LRP1B: variants seen among roughly 807,000 people sequenced by gnomAD.
The protein encoded by LRP1B is low-density lipoprotein receptor-related protein 1B.
Under a neutral mutation model 556.6 loss-of-function variants are expected in LRP1B, and 217 were observed. The observed-to-expected ratio is 0.39, with a 90% CI of 0.35 to 0.44. The LOEUF (loss-of-function observed/expected upper bound fraction) is 0.44. Among genes scored for constraint, LRP1B ranks in the 20% least tolerant of loss-of-function variants. The pLI is 1.00. For synonymous variants in LRP1B, 2,047 were observed against 1,865.8 expected (o/e 1.10, Z -2.50); for missense variants, 5,053 against 5,620.8 (o/e 0.90, Z 3.23).
At chr2:140,556,866 C>T (rs1293045177) in intron 43 of LRP1B, among the ~76,000 whole-genome samples, 1 of 151,852 alleles carries the variant, frequency 6.6e-6, no homozygotes, top group Non-Finnish European at 1.5e-5. Context: ...ACCTCAGAGT[C>T]ACTTTGATAA....
rs774525807 is a variant in LRP1B at position 140,475,123 on chromosome 2, T to C, written c.9625+15A>G. 2.2e-6 allele frequency: 3 copies of C among 1,390,714 alleles called. No homozygotes were observed. The highest frequency in any genetic ancestry group is 2.3e-5 in the Admixed American group (1 of 44,166). 86.1% of individuals were successfully genotyped at this position (1,390,714 alleles called of 1,614,324 possible). ...ACCTGGTAAAATACTAGAATATTTA[T>C]GTTACTGGACCAACCTTTGTGTCTA... is the stretch of plus-strand genomic sequence containing the variant. On this transcript the variant is annotated intron_variant, in intron 60 of 90. Transcript: ENST00000389484.
chr2:141,587,225 C>G (rs1254355047), intron 2 of LRP1B, among the ~76,000 whole-genome samples: 1 of 152,128 alleles, frequency 6.6e-6, no homozygotes, highest in East Asian at 1.9e-4. Flanking sequence ...ACCCCTTTCT[C>G]TATATCTACC....
intron 44 of LRP1B, 130 bp downstream of exon 44, chr2:140,541,649 T>C (rs1558955195): frequency 1.4e-6 from 1 of 730,578 alleles, no homozygotes; most frequent in Non-Finnish European, 2.1e-6. Flanking sequence ...AAATCCACAG[T>C]CATAGTAACA....
At chr2:141,186,841 A>T (rs1320738441) in intron 7 of LRP1B, among the ~76,000 whole-genome samples, 1 of 152,046 alleles carries the variant, frequency 6.6e-6, no homozygotes, top group East Asian at 1.9e-4. Context: ...GTTCCCATAT[A>T]TTTCAGATTG....
intron 3 of LRP1B, among the ~76,000 whole-genome samples, chr2:141,386,752 G>T (rs1689847181): frequency 6.6e-6 from 1 of 151,966 alleles, no homozygotes; most frequent in Non-Finnish European, 1.5e-5. Context: ...TTGAGAAAAA[G>T]ATAGTTCTAC....
At chr2:142,093,413 T>C (rs1706245197) in intron 1 of LRP1B, among the ~76,000 whole-genome samples, 1 of 152,040 alleles carries the variant, frequency 6.6e-6, no homozygotes, top group African/African-American at 2.4e-5. Flanking sequence ...ACACTTGGGG[T>C]GCAAGGAATG....
intron 3 of LRP1B, among the ~76,000 whole-genome samples, chr2:141,439,859 AC>A: frequency 6.6e-6 from 1 of 152,306 alleles, no homozygotes; most frequent in East Asian, 1.9e-4. Flanking sequence ...TTAATAACAA[AC>A]CTTAATTTCT....
At chr2:141,553,722 A>ATAATATATAT (rs1345210657) in intron 2 of LRP1B, among the ~76,000 whole-genome samples, 8 of 19,418 alleles carry the variant, frequency 4.1e-4, no homozygotes, top group African/African-American at 4.4e-4. Flanking sequence ...ATTTTTATAT[A>ATAATATATAT]TCTATATAAT....
At chr2:141,697,476 C>T (rs186910815) in intron 2 of LRP1B, among the ~76,000 whole-genome samples, 2 of 151,920 alleles carry the variant, frequency 1.3e-5, no homozygotes, top group Admixed American at 6.6e-5. Flanking sequence ...AAACGTGCAT[C>T]GGGAATACAA....
intron 11 of LRP1B, among the ~76,000 whole-genome samples, chr2:141,045,605 T>G (rs1194866518): frequency 6.6e-6 from 1 of 152,060 alleles, no homozygotes; most frequent in Non-Finnish European, 1.5e-5. Context: ...TACTTTAGTT[T>G]CTTTATAGCA....
intron 3 of LRP1B, among the ~76,000 whole-genome samples, chr2:141,396,175 A>G (rs762715856): frequency 5.8e-4 from 88 of 152,226 alleles, no homozygotes; most frequent in Non-Finnish European, 1.2e-3. Context: ...ATGAAATCAG[A>G]ATAAAATGTA....
chr2:140,307,725 TAGTC>T (rs1191162151), intron 83 of LRP1B, among the ~76,000 whole-genome samples: 1 of 151,804 alleles, frequency 6.6e-6, no homozygotes, highest in Admixed American at 6.6e-5. Context: ...AATATAGTCA[TAGTC>T]AGCTATTTCT....
chr2:141,019,858 T>C, intron 12 of LRP1B, 64 bp downstream of exon 12: 1 of 1,203,756 alleles, frequency 8.3e-7, no homozygotes. Context: ...TATTATTAAC[T>C]ATGTAAGAAA....
At chr2:141,683,887 T>A (rs1430458204) in intron 2 of LRP1B, among the ~76,000 whole-genome samples, 1 of 152,030 alleles carries the variant, frequency 6.6e-6, no homozygotes. Flanking sequence ...AAAGCCACAA[T>A]GACATACCAT....
At chr2:141,440,369 C>A (rs1442600009) in intron 3 of LRP1B, among the ~76,000 whole-genome samples, 1 of 152,264 alleles carries the variant, frequency 6.6e-6, no homozygotes, top group Non-Finnish European at 1.5e-5. Flanking sequence ...TTCCTCCACA[C>A]TGAACTCCTA....
Position 141,430,268 on chromosome 2 carries a change from T to G in LRP1B, c.343+50128A>C, listed in dbSNP as rs28639696. On this transcript the variant is annotated intron_variant, in intron 3 of 90. Transcript: ENST00000389484. ...AAGCAAAGCATCTTAATGAATAACC[T>G]CACTCTTACGTTTCTATCTGCATAA... 9.3e-3 allele frequency among the ~76,000 whole-genome samples: 1,419 copies of G among 152,286 alleles called. 18 individuals carry two copies. Among genetic ancestry groups the G allele is most frequent in the African/African-American group, 0.033 (1,357 of 41,572 alleles).
intron 2 of LRP1B, among the ~76,000 whole-genome samples, chr2:141,662,776 C>T (rs1690270455): frequency 6.6e-6 from 1 of 151,738 alleles, no homozygotes; most frequent in Non-Finnish European, 1.5e-5. Context: ...ATTATTGAGA[C>T]AAAATTAACA....
At chr2:140,321,686 T>C (rs1558799280) in intron 82 of LRP1B, among the ~76,000 whole-genome samples, 1 of 151,814 alleles carries the variant, frequency 6.6e-6, no homozygotes. Flanking sequence ...AGAAGAGTTA[T>C]AAAAAAAATC....
chr2:140,276,213 T>A (rs900892098), intron 84 of LRP1B, among the ~76,000 whole-genome samples: 5 of 151,972 alleles, frequency 3.3e-5, no homozygotes, highest in African/African-American at 1.2e-4. Flanking sequence ...AATTTATAAT[T>A]CTCATGTTTA....
Sources: allele counts gnomAD v4.1 joint callset (sites outside exome capture counted in the v4.1 genomes callset), GRCh38; gene constraint gnomAD v4.1.1; transcripts MANE v1.5; gene names NCBI Gene and HGNC (gene_info 2026-07-23, HGNC 2026-07-21).